The following SPEF2 variants were observed in gnomAD, a reference collection of about 807,000 sequenced individuals.
SPEF2 encodes the protein sperm flagella and cilia-associated protein 2.
Under a neutral mutation model 224.6 loss-of-function variants are expected in SPEF2, and 187 were observed. That is an observed-to-expected ratio of 0.83 (90% confidence interval 0.74 to 0.94). The LOEUF (loss-of-function observed/expected upper bound fraction) is 0.94. Ranked by LOEUF, SPEF2 falls within the 40% of genes least tolerant of loss-of-function variation. The pLI is 0.00. For missense variants in SPEF2, 2,170 were observed against 2,135.6 expected (o/e 1.02, Z -0.32); for synonymous variants, 715 against 707.3 (o/e 1.01, Z -0.17).
chr5:35,718,483 G>A (rs552877488), intron 20 of SPEF2, among the ~76,000 whole-genome samples: 1 of 152,216 alleles, frequency 6.6e-6, no homozygotes, highest in Non-Finnish European at 1.5e-5. Context: ...TTTCTTCCTA[G>A]CAAATAACCA....
chr5:35,729,565 A>C (rs1745280970), intron 21 of SPEF2, among the ~76,000 whole-genome samples: 1 of 152,196 alleles, frequency 6.6e-6, no homozygotes, highest in Admixed American at 6.5e-5. Context: ...TTCCTATGTA[A>C]GGCCAGGTAG....
intron 30 of SPEF2, chr5:35,791,488 T>C (rs541714641): frequency 1.3e-5 from 2 of 152,314 alleles, no homozygotes; most frequent in South Asian, 4.1e-4. Flanking sequence ...TGTTTCATTC[T>C]TTTTATTCCT....
intron 28 of SPEF2, among the ~76,000 whole-genome samples, chr5:35,775,472 A>G (rs1475323854): frequency 6.6e-6 from 1 of 152,132 alleles, no homozygotes; most frequent in Non-Finnish European, 1.5e-5. Flanking sequence ...GCTTAGGACC[A>G]TGAGGCATGT....
At chr5:35,712,631 G>C (rs769806947) in intron 19 of SPEF2, among the ~76,000 whole-genome samples, 181 bp from the exon 20 acceptor site, 2 of 152,200 alleles carry the variant, frequency 1.3e-5, no homozygotes, top group Non-Finnish European at 2.9e-5. Context: ...CATTCCAGAA[G>C]TTTCAACCCA....
rs1753237953 is a variant in SPEF2 at position 35,773,943 on chromosome 5, G to A, written c.4000G>A (p.Glu1334Lys). The change falls in exon 28 of 37, where the codon GAA (glutamate) becomes AAA (lysine). Residue 1334 changes from glutamate to lysine, a missense_variant. Transcript: ENST00000356031. ...EATPVIVTTE[E>K]IAEIKRKNEL... ...AACTCCTGTCATAGTAACAACAGAG[G>A]AAATTGCTGAAATCAAAAGGAAAAA... 1.2e-6 allele frequency: 2 copies of A among 1,613,254 alleles called. No homozygotes were observed. The highest frequency in any genetic ancestry group is 1.7e-6 in the Non-Finnish European group (2 of 1,179,562).
chr5:35,752,743 C>T (rs1464323575), intron 23 of SPEF2, among the ~76,000 whole-genome samples: 1 of 4,412 alleles, frequency 2.3e-4, no homozygotes, highest in African/African-American at 1.2e-3. Context: ...TTTCTGTGAC[C>T]TTAGAAAGTA....
At position 35,646,790 on chromosome 5, in the gene SPEF2, A is replaced by C. The variant is rs908639941; in HGVS notation, c.709A>C (p.Lys237Gln). 3 of 1,613,904 alleles carry C rather than the reference A, an allele frequency of 1.9e-6. No individual in the cohort carries two copies. Among genetic ancestry groups the C allele is most frequent in the Middle Eastern group, 1.7e-4 (1 of 6,056 alleles). The change falls in exon 5 of 37, where the codon AAG (lysine) becomes CAG (glutamine). Residue 237 changes from lysine to glutamine, a missense_variant. Physicochemically the swap from Lys to Gln is moderately conservative, Grantham distance 53. Transcript: ENST00000356031. ...ACTCGAGGCCCAAAAAATGATGAAA[A>C]AGAAAAAAGAGGCAGAAGTAAGTGA... ...KALEAQKMMKKKKEAEDVADE... is the reference protein window; with the variant it reads ...KALEAQKMMKQKKEAEDVADE...
intron 1 of SPEF2, among the ~76,000 whole-genome samples, chr5:35,623,226 G>C (rs917927821): frequency 6.6e-6 from 1 of 152,222 alleles, no homozygotes; most frequent in Admixed American, 6.5e-5. Flanking sequence ...AGGCGTAGCT[G>C]TGAGTACCCA....
At chr5:35,704,439 A>G in intron 16 of SPEF2, 115 bp from the exon 17 acceptor site, 1 of 611,782 alleles carries the variant, frequency 1.6e-6, no homozygotes, top group Admixed American at 3.1e-5. Flanking sequence ...TTTTTAAGTA[A>G]CACTGGACCA....
At chr5:35,787,628 T>C (rs1384120594) in intron 30 of SPEF2, among the ~76,000 whole-genome samples, 7 of 152,168 alleles carry the variant, frequency 4.6e-5, no homozygotes, top group Admixed American at 4.6e-4. Flanking sequence ...AGCTTTCTTA[T>C]CCATGCAACG....
chr5:35,717,415 T>C (rs1742776429), intron 20 of SPEF2, among the ~76,000 whole-genome samples: 3 of 152,194 alleles, frequency 2.0e-5, no homozygotes, highest in Admixed American at 6.5e-5. Context: ...TGATTTGTCT[T>C]ACAGGGTCAA....
At chr5:35,682,046 C>T (rs564412969) in intron 10 of SPEF2, among the ~76,000 whole-genome samples, 1 of 152,254 alleles carries the variant, frequency 6.6e-6, no homozygotes, top group South Asian at 2.1e-4. Context: ...CAAGTCTTAA[C>T]TTTAAGTATT....
intron 15 of SPEF2, 151 bp downstream of exon 15, chr5:35,697,944 AT>A: frequency 1.8e-6 from 1 of 543,990 alleles, no homozygotes; most frequent in Non-Finnish European, 3.1e-6. Flanking sequence ...AGGTAGATTT[AT>A]TTTGTGACTT....
intron 2 of SPEF2, among the ~76,000 whole-genome samples, chr5:35,629,119 A>T (rs1744699054): frequency 6.9e-6 from 1 of 144,880 alleles, no homozygotes; most frequent in Non-Finnish European, 1.5e-5. Context: ...TATTTACACC[A>T]GATTACTTTC....
chr5:35,761,315 G>A (rs984831181), intron 25 of SPEF2, among the ~76,000 whole-genome samples: 20 of 152,264 alleles, frequency 1.3e-4, no homozygotes, highest in Admixed American at 7.2e-4. Flanking sequence ...GTAAAGGAGG[G>A]TTGTTGTGAA....
intron 30 of SPEF2, chr5:35,790,575 T>C (rs1466055230): frequency 2.7e-6 from 1 of 375,838 alleles, no homozygotes. Context: ...CTTTCTAACT[T>C]CACTTATGTA....
intron 10 of SPEF2, among the ~76,000 whole-genome samples, chr5:35,673,453 T>C (rs1186922082): frequency 6.6e-6 from 1 of 152,228 alleles, no homozygotes; most frequent in Non-Finnish European, 1.5e-5. Flanking sequence ...AATTTAGTGT[T>C]CATAAACTAA....
intron 8 of SPEF2, among the ~76,000 whole-genome samples, chr5:35,663,743 T>TG (rs1440035020): frequency 6.6e-6 from 1 of 152,086 alleles, no homozygotes; most frequent in Admixed American, 6.6e-5. Context: ...AAATCAACCC[T>TG]AAGTTTTACT....
At position 35,776,284 on chromosome 5, in the gene SPEF2, T is replaced by A. The variant is rs1469452233; in HGVS notation, c.4106T>A (p.Leu1369Gln). ...EEIATQFRLE[L>Q]IKTKALALLE... The stretch of plus-strand genomic sequence containing the variant: ...ATAGCCACGCAATTTCGACTTGAAC[T>A]GATAAAGACAAAAGCATTGGCTCTT... Residue 1369 changes from leucine (L) to glutamine (Q), a missense_variant, in exon 29 of 37, where the codon CTG (leucine) becomes CAG (glutamine). Leu to Gln is a moderately radical substitution (Grantham distance 113, BLOSUM62 -2). Coordinates refer to ENST00000356031, the MANE Select transcript of SPEF2 (RefSeq NM_024867.4). 6.2e-7 allele frequency: 1 copy of A among 1,610,192 alleles called. No homozygotes were observed. Among genetic ancestry groups the A allele is most frequent in the South Asian group, 1.1e-5 (1 of 90,502 alleles).
Sources: gnomAD v4.1 joint callset for allele counts (sites outside exome capture counted in the v4.1 genomes callset) on GRCh38, gnomAD v4.1.1 for gene constraint, MANE v1.5 for transcripts, NCBI Gene and HGNC (gene_info 2026-07-23, HGNC 2026-07-21) for gene names.